NID1: variants seen among roughly 807,000 people sequenced by gnomAD.
NID1 encodes nidogen-1.
Under a neutral mutation model 130.6 loss-of-function variants are expected in NID1, and 76 were observed. That is an observed-to-expected ratio of 0.58 (90% CI 0.48 to 0.70). NID1 has a LOEUF of 0.70. Ranked by LOEUF, NID1 falls within the 30% of genes least tolerant of loss-of-function variation. The pLI is 0.00. For synonymous variants in NID1, 665 were observed against 675.1 expected, an observed-to-expected ratio of 0.98 and a Z score of 0.23; for missense variants, 1,517 against 1,664.8, an observed-to-expected ratio of 0.91 and a Z score of 1.54.
rs1657719286 is a variant in NID1 at position 235,990,986 on chromosome 1, C to G, written c.2828G>C (p.Gly943Ala). The change falls in exon 14 of 20, where the codon GGG (glycine) becomes GCG (alanine). Residue 943 changes from glycine to alanine, a missense_variant. By Grantham distance (60) the Gly-to-Ala change is moderately conservative. Transcript: ENST00000264187. ...VPTAVIPLPP[G>A]THLLFAQTGK... The stretch of plus-strand genomic sequence containing the variant: ...AGTCTGGGCAAAGAGTAAATGGGTC[C>G]CAGGAGGCAAGGGGATCACGGCGGT... The G allele has an allele frequency of 3.1e-6, 5 of 1,613,940 alleles. No individual in the cohort carries two copies. The highest frequency in any genetic ancestry group is 4.2e-6 in the Non-Finnish European group (5 of 1,179,944).
chr1:236,039,383 T>C (rs1203866782), intron 4 of NID1, among the ~76,000 whole-genome samples: 1 of 151,720 alleles, frequency 6.6e-6, no homozygotes, highest in Non-Finnish European at 1.5e-5. Context: ...CTGGCTTATA[T>C]TCTTTTTAAT....
At chr1:236,051,719 G>A (rs774596977) in intron 1 of NID1, among the ~76,000 whole-genome samples, 3 of 152,182 alleles carry the variant, frequency 2.0e-5, no homozygotes, top group Non-Finnish European at 2.9e-5. Context: ...CGTGGGAAAC[G>A]GCTCACTCTC....
In NID1 at chr1:235,979,124, G is replaced by A. The variant is rs746308633; in HGVS notation, c.3510-17C>T. On this transcript the variant is annotated splice_polypyrimidine_tract_variant and intron_variant, in intron 18 of 19. Transcript: ENST00000264187. The surrounding 1 kb of genome is among the most constrained non-coding windows in gnomAD (Gnocchi z 4.6). The stretch of plus-strand genomic sequence containing the variant: ...ACGGAATTCCTACAAAGCACCAAAG[G>A]GCAGAAGGTGAAAACACATCTGATG... 1.3e-6 allele frequency: 2 copies of A among 1,531,308 alleles called. No individual in the cohort carries two copies. The highest frequency in any genetic ancestry group is 2.2e-5 in the South Asian group (2 of 89,402). The allele number at this position is 1,531,308 out of a possible 1,614,324, so 94.9% of individuals were successfully genotyped here.
intron 6 of NID1, among the ~76,000 whole-genome samples, chr1:236,030,476 T>C (rs1318890151): frequency 6.6e-6 from 1 of 151,758 alleles, no homozygotes; most frequent in Non-Finnish European, 1.5e-5. Flanking sequence ...TAAAAAAAAA[T>C]CAAAAGAACA....
intron 4 of NID1, among the ~76,000 whole-genome samples, chr1:236,041,270 G>A (rs549138237): frequency 1.3e-5 from 2 of 151,816 alleles, no homozygotes; most frequent in African/African-American, 4.8e-5. Flanking sequence ...GTTTCACCAT[G>A]TTGGCCAGGA....
intron 15 of NID1, among the ~76,000 whole-genome samples, chr1:235,984,146 A>G (rs547550646): frequency 6.6e-6 from 1 of 152,352 alleles, no homozygotes; most frequent in East Asian, 1.9e-4. Context: ...GCAACAGGAA[A>G]TAGCAAACAA....
intron 12 of NID1, among the ~76,000 whole-genome samples, chr1:236,002,147 G>A (rs1285718112): frequency 1.3e-5 from 2 of 152,222 alleles, no homozygotes; most frequent in Non-Finnish European, 2.9e-5. Flanking sequence ...TGGACAGGCT[G>A]CTATGGGACA....
chr1:236,052,987 T>G (rs1659805148), intron 1 of NID1, among the ~76,000 whole-genome samples: 3 of 152,232 alleles, frequency 2.0e-5, no homozygotes, highest in Non-Finnish European at 4.4e-5. Context: ...TATGCACCAA[T>G]GAATTATACA....
chr1:236,017,317 T>A, intron 9 of NID1, 44 bp from the exon 10 acceptor site: 1 of 1,602,580 alleles, frequency 6.2e-7, no homozygotes, highest in South Asian at 1.1e-5. Flanking sequence ...TTTTTAAAGC[T>A]CTTCAAACAT....
chr1:236,017,969 G>A (rs1351810882), intron 9 of NID1, among the ~76,000 whole-genome samples: 2 of 152,150 alleles, frequency 1.3e-5, no homozygotes, highest in African/African-American at 2.4e-5. Flanking sequence ...ATTTAAATAT[G>A]CTATTATTCG....
intron 12 of NID1, among the ~76,000 whole-genome samples, chr1:236,007,618 G>A (rs1658288109): frequency 6.6e-6 from 1 of 152,124 alleles, no homozygotes; most frequent in Non-Finnish European, 1.5e-5. Context: ...CTGTGGAGGG[G>A]GCCAGCTGCT....
intron 1 of NID1, among the ~76,000 whole-genome samples, chr1:236,055,438 T>C (rs1289073564): frequency 6.6e-6 from 1 of 152,084 alleles, no homozygotes; most frequent in East Asian, 1.9e-4. Context: ...ACATGGGAGT[T>C]CATTATATTT....
rs778910616 is a variant in NID1, at chr1:235,976,402, G to C, written c.*1465C>G. The C allele has an allele frequency of 2.0e-5, 3 of 152,160 alleles. No homozygotes were observed. Among genetic ancestry groups the C allele is most frequent in the Non-Finnish European group, 4.4e-5 (3 of 68,026 alleles). The allele number at this position is 152,160 out of a possible 1,614,324, so 9.4% of individuals were successfully genotyped here. ...CCATTTTCTTTTTGGAGTTACTTAA[G>C]AGTTTTACTTATTGCTGTTCTTAAA... On this transcript the variant is annotated 3_prime_UTR_variant, in exon 20 of 20. Transcript: ENST00000264187.
intron 12 of NID1, among the ~76,000 whole-genome samples, chr1:236,002,554 G>C (rs1023155732): frequency 6.6e-6 from 1 of 152,120 alleles, no homozygotes; most frequent in South Asian, 2.1e-4. Flanking sequence ...TAAATCTGCG[G>C]TGTGTCCAAT....
At chr1:236,033,328 A>C (rs1322042008) in intron 5 of NID1, among the ~76,000 whole-genome samples, 1 of 152,176 alleles carries the variant, frequency 6.6e-6, no homozygotes, top group Non-Finnish European at 1.5e-5. Flanking sequence ...AGAGAGAGTA[A>C]AAGGAGTGTG....
intron 7 of NID1, among the ~76,000 whole-genome samples, 176 bp from the exon 8 acceptor site, chr1:236,026,317 C>T (rs1658930078): frequency 6.6e-6 from 1 of 152,210 alleles, no homozygotes; most frequent in Non-Finnish European, 1.5e-5. Flanking sequence ...TGTATTGAGA[C>T]TCATTCTATG....
chr1:236,034,063 C>A (rs1366651169), intron 5 of NID1, among the ~76,000 whole-genome samples: 1 of 152,124 alleles, frequency 6.6e-6, no homozygotes. Context: ...CCCAAATGTC[C>A]ATTAACTGAT....
chr1:236,042,434 GC>G, intron 3 of NID1, 142 bp from the exon 4 acceptor site: 1 of 1,096,192 alleles, frequency 9.1e-7, no homozygotes, highest in Non-Finnish European at 1.3e-6. Context: ...AAGGGCACTG[GC>G]CGTCATGTCT....
At chr1:236,008,493 G>GTATT (rs764765100) in intron 12 of NID1, among the ~76,000 whole-genome samples, 34 of 152,070 alleles carry the variant, frequency 2.2e-4, no homozygotes, top group African/African-American at 6.7e-4. Flanking sequence ...GTTTCATAAA[G>GTATT]TATTTATTTA....
Sources: gnomAD v4.1 joint callset for allele counts (sites outside exome capture counted in the v4.1 genomes callset) on GRCh38, gnomAD v4.1.1 for gene constraint, Gnocchi (gnomAD v3.1) non-coding constraint, MANE v1.5 for transcripts, NCBI Gene and HGNC (gene_info 2026-07-23, HGNC 2026-07-21) for gene names.